The following GRAP2 variants were observed in gnomAD, a reference collection of about 807,000 sequenced individuals.
The protein encoded by GRAP2 is GRB2-related adapter protein 2.
GRAP2 carries 31 observed loss-of-function variants against 43.5 expected under a neutral mutation model. That is an observed-to-expected ratio of 0.71 (90% CI 0.54 to 0.96). The LOEUF is 0.96. Ranked by LOEUF, GRAP2 falls within the 40% of genes least tolerant of loss-of-function variation. GRAP2 has a pLI of 0.00. For synonymous variants in GRAP2, 156 were observed against 164.8 expected (o/e 0.95, Z 0.41); for missense variants, 371 against 424.4 (o/e 0.87, Z 1.11).
chr22:39,950,830 C>G (rs963674757), intron 2 of GRAP2, among the ~76,000 whole-genome samples: 6 of 152,214 alleles, frequency 3.9e-5, no homozygotes, highest in African/African-American at 1.4e-4. Flanking sequence ...TGGGACTCCC[C>G]ACATGTGATT....
intron 1 of GRAP2, among the ~76,000 whole-genome samples, chr22:39,906,088 A>T (rs1010835713): frequency 6.7e-6 from 1 of 150,012 alleles, no homozygotes; most frequent in Non-Finnish European, 1.5e-5. Flanking sequence ...TAATGGGGGG[A>T]AAAAATCCCT....
Position 39,968,103 on chromosome 22 carries a change from T to C in GRAP2, c.521T>C (p.Val174Ala). 5 of 1,611,608 alleles carry C rather than the reference T, an allele frequency of 3.1e-6. No homozygotes were observed. The highest frequency in any genetic ancestry group is 4.2e-6 in the Non-Finnish European group (5 of 1,178,880). ...GGAGGCCCACACCTCAGTGGGGCTG[T>C]GGGAGAAGAAATCCGACCTTCGATG... ...SQGGPHLSGA[V>A]GEEIRPSMNR... Residue 174 changes from valine to alanine, a missense_variant, in exon 6 of 8, where the codon GTG (valine) becomes GCG (alanine). Val to Ala is a moderately conservative substitution (Grantham distance 64). Transcript: ENST00000344138.
At chr22:39,902,909 A>G (rs2066501869) in intron 1 of GRAP2, among the ~76,000 whole-genome samples, 1 of 152,142 alleles carries the variant, frequency 6.6e-6, no homozygotes. Context: ...ACTCTTGATC[A>G]TTTTCTTCCC....
intron 1 of GRAP2, among the ~76,000 whole-genome samples, chr22:39,917,617 A>C (rs2066613490): frequency 6.6e-6 from 1 of 152,180 alleles, no homozygotes. Flanking sequence ...ACTAGTTATT[A>C]CTTCAAGTAT....
intron 3 of GRAP2, among the ~76,000 whole-genome samples, chr22:39,957,633 A>C (rs953750849): frequency 6.6e-6 from 1 of 152,012 alleles, no homozygotes; most frequent in African/African-American, 2.4e-5. Context: ...AAACAAACAA[A>C]ACCAAACCCA....
At chr22:39,896,621 G>A (rs1377002419), upstream of GRAP2, among the ~76,000 whole-genome samples, 1 of 152,130 alleles carries the variant, frequency 6.6e-6, no homozygotes, top group Non-Finnish European at 1.5e-5. Flanking sequence ...GATTGAGGAG[G>A]CAGATGGGAA....
chr22:39,967,046 A>T (rs1435535727), intron 5 of GRAP2, among the ~76,000 whole-genome samples: 1 of 152,262 alleles, frequency 6.6e-6, no homozygotes, highest in African/African-American at 2.4e-5. Flanking sequence ...AAAGGAAATA[A>T]CATGGTTATA....
At chr22:39,897,195 G>A (rs767013787), upstream of GRAP2, among the ~76,000 whole-genome samples, 4 of 151,974 alleles carry the variant, frequency 2.6e-5, no homozygotes, top group South Asian at 2.1e-4. Flanking sequence ...TCTCTCCCAC[G>A]GTCTCTCCTG....
Position 39,973,332 on chromosome 22 carries a change from C to T in GRAP2, c.*2248C>T, listed in dbSNP as rs887045525. ...GAAAGCAGTAATAAAACAAAGTGTC[C>T]TTGTTTGGCCAGGCCGTGTCTGGTG... On this transcript the variant is annotated 3_prime_UTR_variant, in exon 8 of 8. Transcript: ENST00000344138. 73 of 152,248 alleles carry T rather than the reference C, an allele frequency of 4.8e-4. No individual in the cohort carries two copies. The highest frequency in any genetic ancestry group is 1.7e-3 in the African/African-American group (72 of 41,524). The allele number at this position is 152,248 out of a possible 1,614,324, so 9.4% of individuals were successfully genotyped here.
chr22:39,969,533 G>A lies in GRAP2; in HGVS notation c.813G>A (p.Gly271=), dbSNP rs1330996835. 2.5e-6 allele frequency: 4 copies of A among 1,613,654 alleles called. No individual in the cohort carries two copies. In the South Asian group the frequency reaches 3.3e-5, roughly 13 times the overall value. Residue 271 remains glycine (G), a splice_region_variant and synonymous_variant, in exon 7 of 8, where the codon GGG becomes GGA. Coordinates refer to ENST00000344138, the MANE Select transcript of GRAP2 (RefSeq NM_004810.4). ...HTDPVQLQAA[G]RVRWARALYD... Reference sequence around the variant, plus strand: ...ACCCAGTGCAGCTCCAGGCGGCAGGGGTATGGGAACTGTCCTTCTCTGGGA... The same window carrying A: ...ACCCAGTGCAGCTCCAGGCGGCAGGAGTATGGGAACTGTCCTTCTCTGGGA...
chr22:39,958,333 C>T (rs192511135), intron 3 of GRAP2, among the ~76,000 whole-genome samples: 3 of 152,144 alleles, frequency 2.0e-5, no homozygotes, highest in Admixed American at 6.5e-5. Flanking sequence ...CCACCCACAG[C>T]GCCCCATCTC....
chr22:39,905,432 G>A (rs559303054), intron 1 of GRAP2, among the ~76,000 whole-genome samples: 6 of 152,172 alleles, frequency 3.9e-5, no homozygotes, highest in African/African-American at 1.4e-4. Flanking sequence ...AGACAGCCTC[G>A]GTGTGAGCCC....
chr22:39,915,362 G>A (rs2066595852), intron 1 of GRAP2, among the ~76,000 whole-genome samples: 1 of 151,914 alleles, frequency 6.6e-6, no homozygotes, highest in African/African-American at 2.4e-5. Context: ...ACCCCACACT[G>A]GCTCCCTGCC....
intron 7 of GRAP2, among the ~76,000 whole-genome samples, chr22:39,970,134 G>C (rs1487600395): frequency 6.6e-6 from 1 of 150,892 alleles, no homozygotes; most frequent in Non-Finnish European, 1.5e-5. Flanking sequence ...TTTGTTTTTT[G>C]AGACAGGGTC....
chr22:39,905,323 A>G (rs1352437870), intron 1 of GRAP2, among the ~76,000 whole-genome samples: 1 of 152,232 alleles, frequency 6.6e-6, no homozygotes, highest in East Asian at 1.9e-4. Flanking sequence ...ATTCATCATT[A>G]TCAGCAGCAA....
intron 2 of GRAP2, among the ~76,000 whole-genome samples, chr22:39,949,592 A>T (rs2145641062): frequency 6.6e-6 from 1 of 152,324 alleles, no homozygotes; most frequent in African/African-American, 2.4e-5. Flanking sequence ...AAAGGAGCAT[A>T]GACTTTGAGT....
rs755717282 is a variant in GRAP2, at chr22:39,969,415, G to A, written c.695G>A (p.Arg232His). 9.3e-6 allele frequency: 15 copies of A among 1,613,624 alleles called. No individual in the cohort carries two copies. The highest frequency in any genetic ancestry group is 3.3e-5 in the Admixed American group (2 of 59,990). The change falls in exon 7 of 8, where the codon CGC (arginine) becomes CAC (histidine). Residue 232 changes from arginine (R) to histidine (H), a missense_variant. Coordinates refer to ENST00000344138, the MANE Select transcript of GRAP2 (RefSeq NM_004810.4). ...YLQHHHFHQE[R>H]RGGSLDINDG... ...TCTTCTGTTGTATGTTTCTAGGAAC[G>A]CCGAGGAGGCAGCCTTGACATAAAT...
At position 39,968,154 on chromosome 22, in the gene GRAP2, C is replaced by T. The variant is rs1256270930; in HGVS notation, c.572C>T (p.Pro191Leu). The change falls in exon 6 of 8, where the codon CCG (proline) becomes CTG (leucine). Residue 191 changes from proline to leucine, a missense_variant. Physicochemically the swap from Pro to Leu is moderately conservative, Grantham distance 98 (BLOSUM62 -3). Coordinates refer to ENST00000344138, the MANE Select transcript of GRAP2 (RefSeq NM_004810.4). Reference sequence around the variant, plus strand: ...AACCGGAAGCTGTCGGATCACCCCCCGACCCTTCCCCTGCAGCAGCACCAG... The same window carrying T: ...AACCGGAAGCTGTCGGATCACCCCCTGACCCTTCCCCTGCAGCAGCACCAG... Reference protein sequence around the residue: ...SMNRKLSDHPPTLPLQQHQHQ... With the variant: ...SMNRKLSDHPLTLPLQQHQHQ... 8.7e-6 allele frequency: 14 copies of T among 1,607,046 alleles called. No individual in the cohort carries two copies. The highest frequency in any genetic ancestry group is 8.5e-5 in the Admixed American group (5 of 58,634).
chr22:39,906,108 AATAC>A (rs1390960047), intron 1 of GRAP2, among the ~76,000 whole-genome samples: 1 of 152,202 alleles, frequency 6.6e-6, no homozygotes, highest in East Asian at 1.9e-4. Context: ...TGAAAGGAAC[AATAC>A]AAGCGGGGAG....
Sources: allele counts gnomAD v4.1 joint callset (sites outside exome capture counted in the v4.1 genomes callset), GRCh38; gene constraint gnomAD v4.1.1; transcripts MANE v1.5; gene names NCBI Gene and HGNC (gene_info 2026-07-23, HGNC 2026-07-21).